The following SLC4A2 variants were observed in gnomAD, a reference collection of about 807,000 sequenced individuals.
The protein encoded by SLC4A2 is anion exchange protein 2.
In SLC4A2, 36 loss-of-function variants were observed where a neutral mutation model predicts 115.0. The observed-to-expected ratio is 0.31, with a 90% CI of 0.24 to 0.41. The LOEUF (loss-of-function observed/expected upper bound fraction) is 0.41, where lower values mean the gene tolerates loss of function less well. Ranked by LOEUF, SLC4A2 falls within the 10% of genes least tolerant of loss-of-function variation. The probability of loss-of-function intolerance (pLI) is 1.00; values close to 1 mark genes in which losing one functional copy is unlikely to be tolerated. For synonymous variants in SLC4A2, 708 were observed against 708.3 expected, an observed-to-expected ratio of 1.00 and a Z score of 0.01; for missense variants, 1,252 against 1,705.6, an observed-to-expected ratio of 0.73 and a Z score of 4.68.
intron 1 of SLC4A2, 61 bp from the exon 2 acceptor site, chr7:151,061,864 C>T (rs914535087): frequency 7.2e-6 from 6 of 828,300 alleles, no homozygotes; most frequent in South Asian, 6.0e-5. Context: ...GCGCAGCCTG[C>T]GCGTGGTGGC....
Position 151,070,102 on chromosome 7 carries a change from T to C in SLC4A2, c.1283+20T>C, listed in dbSNP as rs777074923. ...ACACAGGTGAGGCCCTGTGGGCCAG[T>C]TGGGGATGACACTTCAGCCCACCTG... On this transcript the variant is annotated intron_variant, in intron 9 of 22. Coordinates refer to ENST00000413384, the MANE Select transcript of SLC4A2 (RefSeq NM_003040.4). 4.3e-6 allele frequency: 7 copies of C among 1,613,734 alleles called. No individual in the cohort carries two copies. Among genetic ancestry groups the C allele is most frequent in the East Asian group, 4.5e-5 (2 of 44,882 alleles).
chr7:151,065,414 A>C (rs1797195386), intron 5 of SLC4A2, among the ~76,000 whole-genome samples: 1 of 152,184 alleles, frequency 6.6e-6, no homozygotes, highest in African/African-American at 2.4e-5. Flanking sequence ...GGGCACTGCC[A>C]ACACACGCTG....
chr7:151,075,631 G>A lies in SLC4A2; in HGVS notation c.3327G>A (p.Leu1109=), dbSNP rs369167574. ...GCCTCTCCATAGTTATCGGGGATCT[G>A]CTCCGGCAGATCCCCCTGGCCGTGC... is the stretch of plus-strand genomic sequence containing the variant. ...LVGLSIVIGD[L]LRQIPLAVLF... Residue 1109 remains leucine, a synonymous_variant, in exon 21 of 23, where the codon CTG becomes CTA. Transcript: ENST00000413384. The A allele has an allele frequency of 2.5e-6, 4 of 1,599,616 alleles. No homozygotes were observed. Among genetic ancestry groups the A allele is most frequent in the South Asian group, 1.1e-5 (1 of 90,792 alleles).
In SLC4A2 at chr7:151,076,500, T is replaced by A; in HGVS notation, c.*133T>A. 1 of 777,850 alleles carries A rather than the reference T, an allele frequency of 1.3e-6. No homozygotes were observed. Among genetic ancestry groups the A allele is most frequent in the African/African-American group, 1.8e-5 (1 of 56,658 alleles). The allele number at this position is 777,850 out of a possible 1,614,324, so 48.2% of individuals were successfully genotyped here. ...AAGTCTTCTCCTCCCCCACTGCCCC[T>A]GCAGTAAAGTGCTTTGGCCCCCACC... is the stretch of plus-strand genomic sequence containing the variant. On this transcript the variant is annotated 3_prime_UTR_variant, in exon 23 of 23. Coordinates refer to ENST00000413384, the MANE Select transcript of SLC4A2 (RefSeq NM_003040.4).
chr7:151,063,167 T>C, intron 2 of SLC4A2: 1 of 1,112,464 alleles, frequency 9.0e-7, no homozygotes, highest in Non-Finnish European at 1.2e-6. Flanking sequence ...CGGCCGCTGC[T>C]CCGCGCCCGC....
At chr7:151,064,097 C>T (rs1460614027) in intron 2 of SLC4A2, 105 bp from the exon 3 acceptor site, 1 of 1,158,286 alleles carries the variant, frequency 8.6e-7, no homozygotes, top group Non-Finnish European at 1.2e-6. Flanking sequence ...GAGATAGCTG[C>T]TGGCGGGGGA....
chr7:151,066,138 A>G (rs1359186297), intron 5 of SLC4A2, among the ~76,000 whole-genome samples: 1 of 152,188 alleles, frequency 6.6e-6, no homozygotes, highest in Non-Finnish European at 1.5e-5. Context: ...GCTGACTGTC[A>G]GGAAGCAGCG....
In SLC4A2 at chr7:151,060,545, C is replaced by T. The variant is rs1797010860; in HGVS notation, c.-64+783C>T. 6.6e-6 allele frequency among the ~76,000 whole-genome samples: 1 copy of T among 152,178 alleles called. No individual in the cohort carries two copies. The highest frequency in any genetic ancestry group is 2.1e-4 in the South Asian group (1 of 4,832). On this transcript the variant is annotated intron_variant, in intron 1 of 22. Transcript: ENST00000413384. The surrounding 1 kb of genome is among the most constrained non-coding windows in gnomAD (Gnocchi z 5.9). ...GGGAATGTGCCCCTACCCGGATTATCGGCACCGATGCTCTGGACAGAAGCT... is the reference window on the plus strand; with the variant it reads ...GGGAATGTGCCCCTACCCGGATTATTGGCACCGATGCTCTGGACAGAAGCT...
At chr7:151,062,464 C>A in intron 2 of SLC4A2, 1 of 1,270,514 alleles carries the variant, frequency 7.9e-7, no homozygotes, top group Non-Finnish European at 1.0e-6. Flanking sequence ...CCTCCCTGCC[C>A]CCACGTGGCC....
chr7:151,065,179 C>T (rs80056441), intron 5 of SLC4A2, among the ~76,000 whole-genome samples: 94 of 152,288 alleles, frequency 6.2e-4, no homozygotes, highest in Non-Finnish European at 8.8e-4. Context: ...TCTCACTGGG[C>T]GGCTGTAGGG....
chr7:151,072,658 C>A (rs1005756591), intron 16 of SLC4A2, among the ~76,000 whole-genome samples: 11 of 137,562 alleles, frequency 8.0e-5, no homozygotes, highest in African/African-American at 1.6e-4. Flanking sequence ...ACTTTTATTT[C>A]TTTTTTTTTT....
intron 2 of SLC4A2, chr7:151,062,812 G>T: frequency 7.3e-7 from 1 of 1,370,826 alleles, no homozygotes; most frequent in Non-Finnish European, 9.4e-7. Flanking sequence ...CTCACAGAGG[G>T]GAGAAGCCAG....
chr7:151,071,706 C>T lies in SLC4A2; in HGVS notation c.2209C>T (p.Leu737=), dbSNP rs1422877147. 5 of 1,609,752 alleles carry T rather than the reference C, an allele frequency of 3.1e-6. No homozygotes were observed. The highest frequency in any genetic ancestry group is 4.2e-6 in the Non-Finnish European group (5 of 1,177,462). The change falls in exon 15 of 23, where the codon CTG becomes TTG. Residue 737 remains leucine (L), a synonymous_variant. Transcript: ENST00000413384. The surrounding 1 kb of genome is among the most constrained non-coding windows in gnomAD (Gnocchi z 5.5). ...ACCCCTAGGAGAGAAGACGCAGGAC[C>T]TGATAGGGGTGTCGGAGCTGATTAT... is the stretch of plus-strand genomic sequence containing the variant. The part of the protein sequence containing the change: ...GGLLGEKTQD[L]IGVSELIMST...
rs34402122 is a variant in SLC4A2, at chr7:151,073,496, T to C, written c.2536-543T>C. ...ACAGGGAAGGCTGGTTTCGAACTCC[T>C]GACCTCAAGTGATCTGCCCGCCTCG... On this transcript the variant is annotated intron_variant, in intron 16 of 22. Transcript: ENST00000413384. 6.8e-3 allele frequency among the ~76,000 whole-genome samples: 1,034 copies of C among 152,254 alleles called. 10 individuals are homozygous for C. The highest frequency in any genetic ancestry group is 0.024 in the African/African-American group (993 of 41,544).
chr7:151,073,386 T>G (rs1051296342), intron 16 of SLC4A2, among the ~76,000 whole-genome samples: 2 of 152,122 alleles, frequency 1.3e-5, no homozygotes, highest in Admixed American at 6.5e-5. Flanking sequence ...GTTCAAGCGA[T>G]TCTCCTGCCT....
rs1379280688 is a variant in SLC4A2 at position 151,071,419 on chromosome 7, G to A, written c.2005G>A (p.Ala669Thr). 1 of 1,601,886 alleles carries A rather than the reference G, an allele frequency of 6.2e-7. No individual in the cohort carries two copies. The highest frequency in any genetic ancestry group is 1.7e-5 in the Admixed American group (1 of 59,706). The change falls in exon 14 of 23, where the codon GCA becomes ACA. Residue 669 changes from alanine (A) to threonine (T), a missense_variant. Ala to Thr is a moderately conservative substitution (Grantham distance 58). This residue lies in a region of SLC4A2 where 122 missense variants were observed against 116.8 expected (regional missense o/e 1.04). Transcript: ENST00000413384. This position sits in a 1 kb window ranked among gnomAD's most constrained non-coding sequence, Gnocchi z 5.5. ...CCTGCAGATGGTAGAGGCGGCAGGGGCAGCTGAAGATGATCCCCTTCGGCG... is the reference window on the plus strand; with the variant it reads ...CCTGCAGATGGTAGAGGCGGCAGGGACAGCTGAAGATGATCCCCTTCGGCG... ...ALLQMVEAAG[A>T]AEDDPLRRTG...
intron 2 of SLC4A2, 131 bp from the exon 3 acceptor site, chr7:151,064,071 G>C: frequency 1.2e-6 from 1 of 855,912 alleles, no homozygotes; most frequent in Non-Finnish European, 1.8e-6. Context: ...GGCATATAGA[G>C]CCACCAGCAT....
At chr7:151,063,200 TGG>T in intron 2 of SLC4A2, 1 of 78,152 alleles carries the variant, frequency 1.3e-5, no homozygotes, top group Non-Finnish European at 1.9e-5. Context: ...GTGGGGGCTG[TGG>T]GGGTGGGGTG....
chr7:151,062,622 G>C, intron 2 of SLC4A2: 1 of 1,520,358 alleles, frequency 6.6e-7, no homozygotes, highest in Non-Finnish European at 8.8e-7. Flanking sequence ...CTCCTTCTCA[G>C]GTTCACCCCT....
Sources: gnomAD v4.1 joint callset for allele counts (sites outside exome capture counted in the v4.1 genomes callset) on GRCh38, gnomAD v4.1.1 for gene constraint, gnomAD v4.1.1 regional missense constraint, Gnocchi (gnomAD v3.1) non-coding constraint, MANE v1.5 for transcripts, NCBI Gene and HGNC (gene_info 2026-07-23, HGNC 2026-07-21) for gene names.